Variants in RFX3 observed in about 807,000 individuals in gnomAD.
The protein encoded by RFX3 is transcription factor RFX3.
Under a neutral mutation model 98.6 loss-of-function variants are expected in RFX3, and 14 were observed. The observed-to-expected ratio is 0.14, with a 90% confidence interval of 0.09 to 0.22. The LOEUF (loss-of-function observed/expected upper bound fraction) is 0.22. Among genes scored for constraint, RFX3 ranks in the 10% least tolerant of loss-of-function variants. The probability of loss-of-function intolerance (pLI) is 1.00; values close to 1 mark genes in which losing one functional copy is unlikely to be tolerated. For synonymous variants in RFX3, 383 were observed against 328.4 expected, an observed-to-expected ratio of 1.17 and a Z score of -1.80; for missense variants, 639 against 926.9, an observed-to-expected ratio of 0.69 and a Z score of 4.03.
chr9:3,396,293 T>C (rs1408824695), intron 1 of RFX3, among the ~76,000 whole-genome samples: 2 of 152,098 alleles, frequency 1.3e-5, no homozygotes, highest in African/African-American at 4.8e-5. Flanking sequence ...ATGCGGTGTT[T>C]GGTTTTTTGT....
intron 15 of RFX3, among the ~76,000 whole-genome samples, chr9:3,241,689 C>G (rs549080737): frequency 6.6e-6 from 1 of 152,280 alleles, no homozygotes; most frequent in South Asian, 2.1e-4. Context: ...ACAACTAAAA[C>G]CAAACTACGA....
chr9:3,302,433 C>G (rs375793170), intron 4 of RFX3, among the ~76,000 whole-genome samples: 10 of 151,772 alleles, frequency 6.6e-5, no homozygotes, highest in East Asian at 1.9e-4. Flanking sequence ...AGTTATCTAT[C>G]TTTCAACTCC....
chr9:3,432,001 A>C (rs1844697334), intron 1 of RFX3, among the ~76,000 whole-genome samples: 1 of 152,098 alleles, frequency 6.6e-6, no homozygotes, highest in South Asian at 2.1e-4. Context: ...TATGATCAGG[A>C]CTGGTCTTAT....
chr9:3,524,423 T>A (rs1819008519), intron 1 of RFX3: 1 of 627,490 alleles, frequency 1.6e-6, no homozygotes, highest in Admixed American at 6.3e-5. Context: ...ATAAAAAGAA[T>A]ATGTTAAGTA....
chr9:3,290,994 G>A (rs1827257692), intron 6 of RFX3, among the ~76,000 whole-genome samples: 1 of 152,184 alleles, frequency 6.6e-6, no homozygotes, highest in Non-Finnish European at 1.5e-5. Context: ...CCTCATTCCA[G>A]AGGGGTCCTC....
chr9:3,411,646 T>TTG (rs1302140283), intron 1 of RFX3, among the ~76,000 whole-genome samples: 99 of 151,346 alleles, frequency 6.5e-4, no homozygotes, highest in African/African-American at 2.3e-3. Flanking sequence ...CAGCTAATTT[T>TTG]TGTGTGTGTG....
intron 2 of RFX3, among the ~76,000 whole-genome samples, chr9:3,380,209 G>C (rs554771004): frequency 1.8e-4 from 27 of 152,220 alleles, no homozygotes; most frequent in Middle Eastern, 3.4e-3. Context: ...TTACAGGCAT[G>C]AGCCACTGCA....
intron 1 of RFX3, among the ~76,000 whole-genome samples, chr9:3,398,597 A>G (rs1270705452): frequency 6.6e-6 from 1 of 152,188 alleles, no homozygotes; most frequent in Non-Finnish European, 1.5e-5. Context: ...TGCCAGTTAT[A>G]GCTTCTCCTT....
At chr9:3,353,835 A>G (rs552198062) in intron 2 of RFX3, among the ~76,000 whole-genome samples, 151 of 152,196 alleles carry the variant, frequency 9.9e-4, no homozygotes, top group African/African-American at 3.5e-3. Flanking sequence ...ACCTGTAATC[A>G]GGAGAAAAAT....
chr9:3,280,302 G>A (rs1406686483), intron 7 of RFX3, among the ~76,000 whole-genome samples: 2 of 151,806 alleles, frequency 1.3e-5, no homozygotes, highest in African/African-American at 4.8e-5. Context: ...TGTACAAGAG[G>A]GCTAATGTGG....
Position 3,390,599 on chromosome 9 carries a change from C to T in RFX3, c.117+4873G>A, listed in dbSNP as rs758559159. 1.8e-3 allele frequency among the ~76,000 whole-genome samples: 271 copies of T among 152,192 alleles called. 1 individual carries two copies. Among genetic ancestry groups the T allele is most frequent in the Non-Finnish European group, 2.6e-3 (175 of 68,010 alleles). ...ATTCCCACATTGTTGTGGGAGGAAC[C>T]CGGTGGGAGGCAACTGACTCATGAG... is the stretch of plus-strand genomic sequence containing the variant. On this transcript the variant is annotated intron_variant, in intron 2 of 16. Coordinates refer to ENST00000617270, the MANE Select transcript of RFX3 (RefSeq NM_001282116.2).
intron 12 of RFX3, 110 bp from the exon 13 acceptor site, chr9:3,263,194 C>T: frequency 8.9e-7 from 1 of 1,120,182 alleles, no homozygotes; most frequent in Non-Finnish European, 1.3e-6. Context: ...GCCTCTGACA[C>T]TTATTTAAAA....
At chr9:3,517,800 T>A (rs766663511) in intron 1 of RFX3, among the ~76,000 whole-genome samples, 16 of 152,184 alleles carry the variant, frequency 1.1e-4, no homozygotes, top group Non-Finnish European at 7.3e-5. Flanking sequence ...GGTTATAAAT[T>A]TGTCCAAGAG....
intron 1 of RFX3, among the ~76,000 whole-genome samples, chr9:3,412,006 C>A (rs1842503852): frequency 6.6e-6 from 1 of 152,146 alleles, no homozygotes; most frequent in South Asian, 2.1e-4. Context: ...ATATTCACAC[C>A]ATTTTAAACA....
chr9:3,411,035 A>G (rs1418489702), intron 1 of RFX3, among the ~76,000 whole-genome samples: 1 of 152,186 alleles, frequency 6.6e-6, no homozygotes, highest in Non-Finnish European at 1.5e-5. Flanking sequence ...TTCTTGTTGT[A>G]CCATAAGAGT....
intron 1 of RFX3, among the ~76,000 whole-genome samples, chr9:3,428,245 T>G (rs563389245): frequency 1.3e-5 from 2 of 152,230 alleles, no homozygotes; most frequent in South Asian, 4.1e-4. Flanking sequence ...CTGTTCTTAT[T>G]CTCTCTCACT....
intron 1 of RFX3, among the ~76,000 whole-genome samples, chr9:3,417,478 G>C (rs1843081481): frequency 6.6e-6 from 1 of 151,920 alleles, no homozygotes; most frequent in African/African-American, 2.4e-5. Flanking sequence ...AAAGTAATTT[G>C]TATGATCACA....
chr9:3,477,352 A>C (rs1587808721), intron 1 of RFX3, among the ~76,000 whole-genome samples: 1 of 152,020 alleles, frequency 6.6e-6, no homozygotes, highest in Non-Finnish European at 1.5e-5. Flanking sequence ...AACCTGAAAG[A>C]CTCCCTTTAA....
At chr9:3,233,385 C>T (rs1219075182) in intron 15 of RFX3, among the ~76,000 whole-genome samples, 1 of 152,182 alleles carries the variant, frequency 6.6e-6, no homozygotes, top group Non-Finnish European at 1.5e-5. Context: ...ATGCAGCCCA[C>T]AGGTGCATTA....
Sources: gnomAD v4.1 joint callset for allele counts (sites outside exome capture counted in the v4.1 genomes callset) on GRCh38, gnomAD v4.1.1 for gene constraint, MANE v1.5 for transcripts, NCBI Gene and HGNC (gene_info 2026-07-23, HGNC 2026-07-21) for gene names.